HNRNPLL: variants seen among roughly 807,000 people sequenced by gnomAD.
HNRNPLL encodes the protein heterogeneous nuclear ribonucleoprotein L like.
In HNRNPLL, 25 loss-of-function variants were observed where a neutral mutation model predicts 67.1. That is an observed-to-expected ratio of 0.37 (90% confidence interval 0.27 to 0.52). The LOEUF is 0.52. Among genes scored for constraint, HNRNPLL ranks in the 20% least tolerant of loss-of-function variants. HNRNPLL has a pLI of 0.90. For synonymous variants in HNRNPLL, 267 were observed against 241.7 expected (o/e 1.10, Z -0.97); for missense variants, 542 against 673.9 (o/e 0.80, Z 2.17).
chr2:38,568,150 T>C (rs368462174), intron 12 of HNRNPLL, 49 bp downstream of exon 12: 63 of 1,093,724 alleles, frequency 5.8e-5, no homozygotes, highest in Non-Finnish European at 8.0e-5. Flanking sequence ...GTTTCTGTGA[T>C]GGTAACTGCC....
chr2:38,599,864 T>G, intron 1 of HNRNPLL: 1 of 470,250 alleles, frequency 2.1e-6, no homozygotes, highest in South Asian at 1.6e-5. Flanking sequence ...AACTTCCAAC[T>G]AGAGTTGAAA....
chr2:38,564,415 T>C (rs1439489227), intron 12 of HNRNPLL, among the ~76,000 whole-genome samples, 178 bp from the exon 13 acceptor site: 1 of 151,166 alleles, frequency 6.6e-6, no homozygotes, highest in African/African-American at 2.4e-5. Flanking sequence ...AAGTCAGGAG[T>C]TCGAGACCAG....
chr2:38,576,865 A>G (rs1298901580), intron 7 of HNRNPLL, among the ~76,000 whole-genome samples: 2 of 151,964 alleles, frequency 1.3e-5, no homozygotes, highest in Non-Finnish European at 2.9e-5. Context: ...TTATAAGAAC[A>G]ATAGTTTGAT....
chr2:38,570,823 T>C (rs1040912639), intron 8 of HNRNPLL, among the ~76,000 whole-genome samples: 2 of 151,864 alleles, frequency 1.3e-5, no homozygotes, highest in Non-Finnish European at 2.9e-5. Flanking sequence ...GGGATGCTTG[T>C]TTGAGCCTAG....
chr2:38,589,496 T>C (rs1666877697), intron 2 of HNRNPLL, among the ~76,000 whole-genome samples: 1 of 152,338 alleles, frequency 6.6e-6, no homozygotes, highest in East Asian at 1.9e-4. Flanking sequence ...ATTACACCTA[T>C]TTATGCCAAT....
At chr2:38,576,097 G>A (rs953505795) in intron 7 of HNRNPLL, among the ~76,000 whole-genome samples, 7 of 151,134 alleles carry the variant, frequency 4.6e-5, no homozygotes, top group African/African-American at 9.7e-5. Flanking sequence ...ACTATTTTTC[G>A]GTAAAATATT....
At chr2:38,577,333 G>C in intron 7 of HNRNPLL, 128 bp downstream of exon 7, 2 of 644,412 alleles carry the variant, frequency 3.1e-6, no homozygotes, top group South Asian at 1.9e-5. Flanking sequence ...ACATTACAAG[G>C]GACTGATCCC....
intron 4 of HNRNPLL, among the ~76,000 whole-genome samples, chr2:38,582,716 T>C (rs1320069859): frequency 6.6e-6 from 1 of 152,014 alleles, no homozygotes; most frequent in East Asian, 1.9e-4. Context: ...GCTCAGGAGT[T>C]CGAGACCAGC....
chr2:38,595,590 A>G (rs1334572361), intron 1 of HNRNPLL, among the ~76,000 whole-genome samples: 1 of 152,234 alleles, frequency 6.6e-6, no homozygotes, highest in Admixed American at 6.5e-5. Flanking sequence ...CACGCCTGTA[A>G]TGCCAGCCCT....
chr2:38,566,068 C>T, intron 12 of HNRNPLL: 1 of 987,820 alleles, frequency 1.0e-6, no homozygotes, highest in South Asian at 4.7e-5. Context: ...GTAAATTACA[C>T]AGCAAAAAGT....
chr2:38,590,574 C>T (rs990166024), intron 2 of HNRNPLL, among the ~76,000 whole-genome samples: 6 of 152,162 alleles, frequency 3.9e-5, no homozygotes, highest in African/African-American at 1.4e-4. Context: ...TTTTAAGTGT[C>T]TATTTTTGGC....
chr2:38,577,609 A>T, intron 6 of HNRNPLL, 77 bp from the exon 7 acceptor site: 1 of 828,076 alleles, frequency 1.2e-6, no homozygotes, highest in Non-Finnish European at 2.1e-6. Flanking sequence ...GGAAACACCC[A>T]TTCAAAACAT....
chr2:38,573,161 T>A, intron 8 of HNRNPLL, 49 bp downstream of exon 8: 1 of 1,256,192 alleles, frequency 8.0e-7, no homozygotes, highest in South Asian at 1.3e-5. Context: ...CTTTTCAGAG[T>A]TACCACTGAA....
At chr2:38,591,767 G>A (rs1314148215) in intron 1 of HNRNPLL, 119 bp from the exon 2 acceptor site, 8 of 564,216 alleles carry the variant, frequency 1.4e-5, no homozygotes, top group South Asian at 1.9e-5. Flanking sequence ...TTTGAGGTCA[G>A]GAGTTCGAGA....
rs757215824 is a variant in HNRNPLL, at chr2:38,591,626, T to G, written c.212A>C (p.Lys71Thr). Residue 71 changes from lysine to threonine, a missense_variant, in exon 2 of 13, where the codon AAA (lysine) becomes ACA (threonine). Around this residue, in one of 2 missense-constraint regions of HNRNPLL, gnomAD observed 127 missense variants for 98.7 expected, o/e 1.29. Transcript: ENST00000449105. ...ATGGACGACGGGTGAAACAGAAACT[T>G]TATGATGACTTCCACCTGCCTCCTA... ...SQPEAGGSHHKVSVSPVVHVR... is the reference protein window; with the variant it reads ...SQPEAGGSHHTVSVSPVVHVR... 1 of 1,612,046 alleles carries G rather than the reference T, an allele frequency of 6.2e-7. No individual in the cohort carries two copies. Among genetic ancestry groups the G allele is most frequent in the South Asian group, 1.1e-5 (1 of 91,020 alleles).
rs1666952743 is a variant in HNRNPLL, at chr2:38,591,411, A to G, written c.308+119T>C. ...ATACAGTCATAGGCAAACAATAGATACTACTTTGTTTATATATACAAACAA... is the reference window on the plus strand; with the variant it reads ...ATACAGTCATAGGCAAACAATAGATGCTACTTTGTTTATATATACAAACAA... On this transcript the variant is annotated intron_variant, in intron 2 of 12. Transcript: ENST00000449105. The G allele has an allele frequency of 2.8e-5, 19 of 690,470 alleles. No individual in the cohort carries two copies. In the South Asian group the frequency reaches 3.3e-4, roughly 12 times the overall value. The allele number at this position is 690,470 out of a possible 1,614,324, so 42.8% of individuals were successfully genotyped here. A position where few individuals can be genotyped will look rare whatever the true frequency, so the allele number is the denominator to read the frequency against.
intron 2 of HNRNPLL, among the ~76,000 whole-genome samples, chr2:38,588,702 G>A (rs558746198): frequency 2.0e-5 from 3 of 152,086 alleles, no homozygotes; most frequent in East Asian, 3.9e-4. Flanking sequence ...AAATGTTACA[G>A]ACATTTTAGC....
intron 6 of HNRNPLL, among the ~76,000 whole-genome samples, chr2:38,580,070 T>G (rs375248618): frequency 6.6e-6 from 1 of 152,196 alleles, no homozygotes; most frequent in African/African-American, 2.4e-5. Context: ...TTTAAAAGAA[T>G]AGATGTAAAC....
At chr2:38,588,931 G>C (rs574732133) in intron 2 of HNRNPLL, among the ~76,000 whole-genome samples, 4 of 152,202 alleles carry the variant, frequency 2.6e-5, no homozygotes, top group African/African-American at 7.2e-5. Flanking sequence ...AAGGGACATG[G>C]TAGGATCAAT....
Sources: gnomAD v4.1 joint callset for allele counts (sites outside exome capture counted in the v4.1 genomes callset) on GRCh38, gnomAD v4.1.1 for gene constraint, gnomAD v4.1.1 regional missense constraint, MANE v1.5 for transcripts, NCBI Gene and HGNC (gene_info 2026-07-23, HGNC 2026-07-21) for gene names.